CHST8: variants seen among roughly 807,000 people sequenced by gnomAD.
CHST8 encodes the protein GALNAC-4-ST1.
A neutral mutation model predicts 15.0 loss-of-function variants in CHST8; 10 were observed. The ratio of observed to expected loss-of-function variants is 0.67; its 90% CI spans 0.41 to 1.13. The LOEUF is 1.13. Among genes scored for constraint, CHST8 ranks in the 50% most tolerant of loss-of-function variants. CHST8 has a pLI of 0.00. For missense variants in CHST8, 634 were observed against 608.2 expected (o/e 1.04, Z -0.45); for synonymous variants, 259 against 256.6 (o/e 1.01, Z -0.09).
intron 2 of CHST8, among the ~76,000 whole-genome samples, chr19:33,680,501 T>G (rs1313924309): frequency 6.6e-6 from 1 of 152,222 alleles, no homozygotes; most frequent in Non-Finnish European, 1.5e-5. Context: ...TCAGCCCTCT[T>G]CAAGGTTCCT....
intron 3 of CHST8, among the ~76,000 whole-genome samples, chr19:33,707,253 T>C (rs969686314): frequency 6.6e-6 from 1 of 152,180 alleles, no homozygotes; most frequent in African/African-American, 2.4e-5. Flanking sequence ...AGGGTCTTGC[T>C]GTGTTGCCCA....
chr19:33,710,343 G>T (rs13345730), intron 3 of CHST8, among the ~76,000 whole-genome samples: 43,061 of 151,742 alleles, frequency 0.28, 7,955 homozygotes, highest in African/African-American at 0.53. Flanking sequence ...TTATTTCCTT[G>T]CTTTAGTTTG....
chr19:33,770,106 G>T (rs1447039983), intron 3 of CHST8, among the ~76,000 whole-genome samples: 1 of 152,190 alleles, frequency 6.6e-6, no homozygotes, highest in Non-Finnish European at 1.5e-5. Context: ...CATGGCAGTG[G>T]CTGAGTCTGT....
chr19:33,680,515 T>C (rs1318778031), intron 2 of CHST8, among the ~76,000 whole-genome samples: 1 of 152,182 alleles, frequency 6.6e-6, no homozygotes, highest in Non-Finnish European at 1.5e-5. Flanking sequence ...GGTTCCTCAC[T>C]GAAAAGAAAT....
chr19:33,737,577 G>A (rs1203483662), intron 3 of CHST8, among the ~76,000 whole-genome samples: 3 of 152,124 alleles, frequency 2.0e-5, no homozygotes, highest in South Asian at 4.1e-4. Context: ...TTGTCCCCAC[G>A]GACTACTGGG....
intron 1 of CHST8, among the ~76,000 whole-genome samples, chr19:33,667,288 T>C (rs950757840): frequency 6.6e-6 from 1 of 152,202 alleles, no homozygotes. Context: ...AGAAATAACG[T>C]AGGAGAAAGC....
chr19:33,661,258 C>T (rs1239433530), intron 1 of CHST8, among the ~76,000 whole-genome samples: 1 of 152,196 alleles, frequency 6.6e-6, no homozygotes, highest in Non-Finnish European at 1.5e-5. Flanking sequence ...GAGCAGGTTA[C>T]GGATGCTCAG....
At chr19:33,689,112 C>T (rs1973044356) in intron 2 of CHST8, 64 bp from the exon 3 acceptor site, 3 of 840,590 alleles carry the variant, frequency 3.6e-6, no homozygotes, top group Non-Finnish European at 3.4e-6. Flanking sequence ...CTGCAGTGAG[C>T]AGGGCCTACA....
chr19:33,764,761 G>C (rs8102026), intron 3 of CHST8, among the ~76,000 whole-genome samples: 18,017 of 151,964 alleles, frequency 0.12, 1,205 homozygotes, highest in Admixed American at 0.15. Context: ...TTTAGTTAGC[G>C]GTGAATGGTG....
intron 3 of CHST8, among the ~76,000 whole-genome samples, chr19:33,695,821 C>CTTTCTTTCTTTTTTTTTTTTT: frequency 1.3e-5 from 1 of 76,232 alleles, no homozygotes; most frequent in Non-Finnish European, 2.5e-5. Flanking sequence ...TTCTTTCTTT[C>CTTTCTTTCTTTTTTTTTTTTT]TTTTTTTTTT....
chr19:33,623,004 C>T (rs868296443), intron 1 of CHST8, among the ~76,000 whole-genome samples: 28 of 152,268 alleles, frequency 1.8e-4, no homozygotes, highest in Middle Eastern at 3.4e-3. Flanking sequence ...GCTGCAACTC[C>T]GGCTACCGAC....
At chr19:33,668,345 G>A (rs1362424882) in intron 2 of CHST8, among the ~76,000 whole-genome samples, 1 of 152,122 alleles carries the variant, frequency 6.6e-6, no homozygotes, top group Non-Finnish European at 1.5e-5. Context: ...GAGAGCCTTC[G>A]CTGGCCTTCA....
At chr19:33,654,692 TA>T (rs1368588888) in intron 1 of CHST8, among the ~76,000 whole-genome samples, 2 of 152,052 alleles carry the variant, frequency 1.3e-5, no homozygotes, top group Non-Finnish European at 2.9e-5. Context: ...AATGAAAATA[TA>T]AAAATATTTT....
Position 33,724,872 on chromosome 19 carries a change from A to AG in CHST8, c.130+35482dup, listed in dbSNP as rs1973864516. Among the ~76,000 whole-genome samples the AG allele has an allele frequency of 2.0e-5, 3 of 152,084 alleles. No individual in the cohort carries two copies. The South Asian group carries it at 6.2e-4, about 31-fold the overall frequency. On this transcript the variant is annotated intron_variant, in intron 3 of 4. Coordinates refer to ENST00000650847, the MANE Select transcript of CHST8 (RefSeq NM_001127895.2). ...GCTCCAAGGGTGGACTGTGGCCCAG[A>AG]GTGGGGGGCCACACCTCGGCACACC...
At chr19:33,719,657 C>T (rs369406020) in intron 3 of CHST8, among the ~76,000 whole-genome samples, 1 of 151,902 alleles carries the variant, frequency 6.6e-6, no homozygotes, top group East Asian at 1.9e-4. Context: ...GGCAGAGATC[C>T]CCCAGACACC....
chr19:33,652,951 T>C (rs556579732), intron 1 of CHST8, among the ~76,000 whole-genome samples: 73 of 152,354 alleles, frequency 4.8e-4, no homozygotes, highest in African/African-American at 1.6e-3. Context: ...TGGAACACTT[T>C]AATTCTGATC....
intron 3 of CHST8, among the ~76,000 whole-genome samples, chr19:33,705,249 C>A (rs1010859900): frequency 6.6e-6 from 1 of 152,202 alleles, no homozygotes; most frequent in African/African-American, 2.4e-5. Context: ...CCAAGCGGTC[C>A]ATGAGCAGAG....
At chr19:33,672,399 T>A (rs1233031858) in intron 2 of CHST8, among the ~76,000 whole-genome samples, 2 of 152,166 alleles carry the variant, frequency 1.3e-5, no homozygotes, top group Non-Finnish European at 2.9e-5. Context: ...GGTATCACCA[T>A]GTTGGCCAGG....
chr19:33,731,492 G>A (rs1288117404), intron 3 of CHST8, among the ~76,000 whole-genome samples: 1 of 152,130 alleles, frequency 6.6e-6, no homozygotes, highest in Non-Finnish European at 1.5e-5. Context: ...ACAACCGGGG[G>A]TCACTTTCAT....
Sources: gnomAD v4.1 joint callset for allele counts (sites outside exome capture counted in the v4.1 genomes callset) on GRCh38, gnomAD v4.1.1 for gene constraint, MANE v1.5 for transcripts, NCBI Gene and HGNC (gene_info 2026-07-23, HGNC 2026-07-21) for gene names.